Variants in PRKCA observed in about 807,000 individuals in gnomAD.
PRKCA encodes protein kinase C alpha, also known as protein kinase C alpha type.
In PRKCA, 27 loss-of-function variants were observed where a neutral mutation model predicts 87.0. The observed-to-expected ratio is 0.31, with a 90% CI of 0.23 to 0.43. The LOEUF is 0.43. Ranked by LOEUF, PRKCA falls within the 20% of genes least tolerant of loss-of-function variation. The pLI, the probability that PRKCA is intolerant of heterozygous loss-of-function variation, is 1.00. For missense variants in PRKCA, 518 were observed against 852.3 expected (o/e 0.61, Z 4.88); for synonymous variants, 329 against 311.1 (o/e 1.06, Z -0.61).
chr17:66,355,424 G>C (rs28592028), intron 2 of PRKCA, among the ~76,000 whole-genome samples: 6,767 of 152,202 alleles, frequency 0.044, 218 homozygotes, highest in Admixed American at 0.077. Flanking sequence ...AGCTCCTGAG[G>C]TATTTCTGCA....
chr17:66,795,833 A>G (rs889802332), intron 16 of PRKCA, among the ~76,000 whole-genome samples: 2 of 152,216 alleles, frequency 1.3e-5, no homozygotes, highest in African/African-American at 4.8e-5. Context: ...TTTTTATTCC[A>G]TAGATTACAG....
intron 2 of PRKCA, among the ~76,000 whole-genome samples, chr17:66,467,275 C>T (rs752304002): frequency 1.3e-4 from 20 of 152,116 alleles, no homozygotes; most frequent in Admixed American, 3.9e-4. Flanking sequence ...AGTGTATGAA[C>T]GGAGTGATGT....
At chr17:66,412,978 A>AC (rs890460985) in intron 2 of PRKCA, among the ~76,000 whole-genome samples, 1 of 151,446 alleles carries the variant, frequency 6.6e-6, no homozygotes, top group Admixed American at 6.6e-5. Context: ...GAGATTCTGC[A>AC]CCCCCCACAA....
At chr17:66,776,018 A>G (rs1471565723) in intron 14 of PRKCA, among the ~76,000 whole-genome samples, 1 of 152,240 alleles carries the variant, frequency 6.6e-6, no homozygotes, top group African/African-American at 2.4e-5. Flanking sequence ...CTGTGTGCAT[A>G]TCTGTTGAAA....
At position 66,765,152 on chromosome 17, in the gene PRKCA, G is replaced by A. The variant is rs540190331; in HGVS notation, c.1525-8835G>A. ...ATGAAGGCCAGGCATGGTGGCTCAC[G>A]CCTGTAATCCCAGCGCTTTGGGAGG... On this transcript the variant is annotated intron_variant, in intron 13 of 16. Transcript: ENST00000413366. 1.4e-4 allele frequency among the ~76,000 whole-genome samples: 21 copies of A among 152,126 alleles called. No individual in the cohort carries two copies. In the South Asian group the frequency reaches 3.3e-3, roughly 24 times the overall value.
chr17:66,341,041 AT>A (rs888098670), intron 2 of PRKCA, among the ~76,000 whole-genome samples: 1 of 152,186 alleles, frequency 6.6e-6, no homozygotes. Flanking sequence ...AATCACTTGC[AT>A]GGGTCTTCTC....
chr17:66,479,500 C>T (rs1915682671), intron 2 of PRKCA, among the ~76,000 whole-genome samples: 1 of 152,094 alleles, frequency 6.6e-6, no homozygotes. Flanking sequence ...AATCCCATGG[C>T]TAGGTATATA....
rs1163507142 is a variant in PRKCA at position 66,792,177 on chromosome 17, C to G, written c.1854+3198C>G. Among the ~76,000 whole-genome samples the G allele has an allele frequency of 6.6e-6, 1 of 152,120 alleles. No individual in the cohort carries two copies. The highest frequency in any genetic ancestry group is 1.5e-5 in the Non-Finnish European group (1 of 68,020). ...TTAGCAAGCGCTGGTGAGTCAGTTT[C>G]CCTGAGACTTGCAGGCTTAAGGACA... On this transcript the variant is annotated intron_variant, in intron 16 of 16. Coordinates refer to ENST00000413366, the MANE Select transcript of PRKCA (RefSeq NM_002737.3). This position sits in a 1 kb window ranked among gnomAD's most constrained non-coding sequence, Gnocchi z 4.5.
intron 8 of PRKCA, among the ~76,000 whole-genome samples, chr17:66,731,393 A>G (rs1297056262): frequency 6.6e-6 from 1 of 150,904 alleles, no homozygotes; most frequent in African/African-American, 2.4e-5. Context: ...GGCAAGAATC[A>G]TTGCCCTAGG....
At chr17:66,629,240 G>T (rs528863163) in intron 3 of PRKCA, among the ~76,000 whole-genome samples, 1 of 152,294 alleles carries the variant, frequency 6.6e-6, no homozygotes, top group Admixed American at 6.5e-5. Flanking sequence ...AATACCAGCT[G>T]CTGGGGAATC....
At chr17:66,733,270 A>AAAGT (rs1437713466) in intron 9 of PRKCA, among the ~76,000 whole-genome samples, 1 of 152,162 alleles carries the variant, frequency 6.6e-6, no homozygotes, top group Non-Finnish European at 1.5e-5. Context: ...CCCATAAAAG[A>AAAGT]AAGTCTATGG....
intron 2 of PRKCA, among the ~76,000 whole-genome samples, chr17:66,484,283 A>G (rs902119673): frequency 6.6e-6 from 1 of 152,228 alleles, no homozygotes; most frequent in Non-Finnish European, 1.5e-5. Flanking sequence ...GGGTGGAGAC[A>G]CAGCCAAACC....
intron 3 of PRKCA, among the ~76,000 whole-genome samples, chr17:66,637,288 T>A (rs995324070): frequency 1.3e-5 from 2 of 152,188 alleles, no homozygotes; most frequent in Non-Finnish European, 2.9e-5. Flanking sequence ...CCATTCTTTA[T>A]TAATTTAGTG....
intron 3 of PRKCA, among the ~76,000 whole-genome samples, chr17:66,636,567 G>A (rs1374405712): frequency 6.6e-6 from 1 of 152,164 alleles, no homozygotes; most frequent in African/African-American, 2.4e-5. Flanking sequence ...TAGCCCAGAG[G>A]ATAGGGAGTC....
At chr17:66,537,996 A>G (rs1159560415) in intron 3 of PRKCA, among the ~76,000 whole-genome samples, 2 of 152,086 alleles carry the variant, frequency 1.3e-5, no homozygotes, top group Non-Finnish European at 2.9e-5. Flanking sequence ...TAGTAGAGAC[A>G]GGGTTTTACC....
At chr17:66,549,300 C>T (rs115136506) in intron 3 of PRKCA, among the ~76,000 whole-genome samples, 2,693 of 152,156 alleles carry the variant, frequency 0.018, 69 homozygotes, top group African/African-American at 0.058. Flanking sequence ...CTCAGTCCTT[C>T]GTCCAGAGCC....
chr17:66,659,332 T>C (rs1971826975), intron 5 of PRKCA, among the ~76,000 whole-genome samples: 1 of 151,926 alleles, frequency 6.6e-6, no homozygotes, highest in African/African-American at 2.4e-5. Context: ...TTCACCAGAG[T>C]TACTCTGATT....
chr17:66,373,485 A>C (rs572969418), intron 2 of PRKCA, among the ~76,000 whole-genome samples: 1 of 152,304 alleles, frequency 6.6e-6, no homozygotes, highest in East Asian at 1.9e-4. Flanking sequence ...ACTTTGTTTA[A>C]AGGGCCTGTA....
intron 2 of PRKCA, among the ~76,000 whole-genome samples, chr17:66,461,205 CA>C (rs34496253): frequency 0.083 from 7,680 of 92,986 alleles, 524 homozygotes; most frequent in African/African-American, 0.24. Flanking sequence ...GACCCCATCT[CA>C]AAAAAAAAAA....
Sources: gnomAD v4.1 joint callset for allele counts (sites outside exome capture counted in the v4.1 genomes callset) on GRCh38, gnomAD v4.1.1 for gene constraint, Gnocchi (gnomAD v3.1) non-coding constraint, MANE v1.5 for transcripts, NCBI Gene and HGNC (gene_info 2026-07-23, HGNC 2026-07-21) for gene names.